The following QTMAN variants were observed in gnomAD, a reference collection of about 807,000 sequenced individuals.
The protein encoded by QTMAN is queuosine-tRNA mannosyltransferase.
the QTMAN span, among the ~76,000 whole-genome samples, chr2:144,325,197 G>A: frequency 6.6e-6 from 1 of 152,086 alleles, no homozygotes; most frequent in East Asian, 1.9e-4. Context: ...TCAACTTTTA[G>A]GAATTATAAA....
chr2:144,208,660 C>T, the QTMAN span: 4 of 1,613,884 alleles, frequency 2.5e-6, no homozygotes, highest in South Asian at 4.4e-5. Context: ...TGTCCGGGCT[C>T]TCCAATGCCA....
At chr2:144,118,167 C>T in the QTMAN span, among the ~76,000 whole-genome samples, 1 of 152,078 alleles carries the variant, frequency 6.6e-6, no homozygotes, top group South Asian at 2.1e-4. Context: ...AAAACAACAC[C>T]TGTCTCCTAA....
chr2:144,156,189 C>T, the QTMAN span, among the ~76,000 whole-genome samples: 1 of 151,940 alleles, frequency 6.6e-6, no homozygotes, highest in African/African-American at 2.4e-5. Context: ...TTGATTATTC[C>T]TCCAATGTTT....
the QTMAN span, among the ~76,000 whole-genome samples, chr2:144,112,017 T>C: frequency 0.029 from 4,427 of 152,338 alleles, 83 homozygotes; most frequent in East Asian, 0.082. Context: ...GCTTACTATT[T>C]GTCAATTATG....
chr2:143,989,326 A>C, the QTMAN span, among the ~76,000 whole-genome samples: 1 of 152,176 alleles, frequency 6.6e-6, no homozygotes, highest in Non-Finnish European at 1.5e-5. Flanking sequence ...AATACTAAAA[A>C]ATTTGATTAT....
the QTMAN span, among the ~76,000 whole-genome samples, chr2:144,265,199 A>C: frequency 6.6e-6 from 1 of 152,194 alleles, no homozygotes; most frequent in Non-Finnish European, 1.5e-5. Context: ...GGGCTCAGCA[A>C]ATCAGGTGTC....
the QTMAN span, among the ~76,000 whole-genome samples, chr2:144,058,109 G>GTCC: frequency 7.4e-6 from 1 of 134,488 alleles, no homozygotes; most frequent in African/African-American, 3.3e-5. Context: ...AAGAAAGAAA[G>GTCC]AACCCCCCTC....
chr2:143,952,663 A>C, the QTMAN span: 1 of 811,472 alleles, frequency 1.2e-6, no homozygotes, highest in Non-Finnish European at 2.1e-6. Flanking sequence ...TAACATGTTG[A>C]CTTGCCAAAT....
the QTMAN span, among the ~76,000 whole-genome samples, chr2:144,241,654 TC>T: frequency 6.6e-6 from 1 of 152,226 alleles, no homozygotes; most frequent in Non-Finnish European, 1.5e-5. Context: ...TATTCTTCTT[TC>T]CTTTCTTTTC....
the QTMAN span, among the ~76,000 whole-genome samples, chr2:143,996,570 G>C: frequency 6.6e-6 from 1 of 152,126 alleles, no homozygotes; most frequent in Non-Finnish European, 1.5e-5. Flanking sequence ...GGTAGGTGAA[G>C]AGGGGCAGTT....
At chr2:143,990,402 G>A in the QTMAN span, among the ~76,000 whole-genome samples, 2 of 152,182 alleles carry the variant, frequency 1.3e-5, no homozygotes, top group African/African-American at 4.8e-5. Flanking sequence ...GGTTGGGATA[G>A]TTACCCTAGA....
chr2:144,242,611 CTG>C, the QTMAN span, among the ~76,000 whole-genome samples: 1 of 152,132 alleles, frequency 6.6e-6, no homozygotes, highest in Non-Finnish European at 1.5e-5. Context: ...TTAGCAATGA[CTG>C]TTGTGAAATT....
the QTMAN span, among the ~76,000 whole-genome samples, chr2:144,115,682 G>A: frequency 1.3e-5 from 2 of 152,126 alleles, no homozygotes; most frequent in African/African-American, 2.4e-5. Flanking sequence ...ACAGAAACAT[G>A]GGACCAATAA....
chr2:143,953,958 T>C, the QTMAN span, among the ~76,000 whole-genome samples: 4 of 152,094 alleles, frequency 2.6e-5, no homozygotes, highest in South Asian at 4.1e-4. Context: ...AAATGAAAAG[T>C]ATTTACTTTG....
chr2:144,048,275 CAG>C, the QTMAN span, among the ~76,000 whole-genome samples: 1 of 152,172 alleles, frequency 6.6e-6, no homozygotes, highest in African/African-American at 2.4e-5. Flanking sequence ...TATAGGAATT[CAG>C]AGAAGGGAAA....
chr2:144,177,459 A>T, the QTMAN span, among the ~76,000 whole-genome samples: 3 of 152,160 alleles, frequency 2.0e-5, no homozygotes, highest in Admixed American at 2.0e-4. Context: ...TCAAATATTA[A>T]CATGCCTATA....
chr2:144,130,459 T>C, the QTMAN span, among the ~76,000 whole-genome samples: 1 of 151,932 alleles, frequency 6.6e-6, no homozygotes, highest in African/African-American at 2.4e-5. Context: ...GTAAACATCA[T>C]ATGATACTCC....
chr2:144,309,307 G>A, the QTMAN span, among the ~76,000 whole-genome samples: 7 of 152,062 alleles, frequency 4.6e-5, no homozygotes, highest in African/African-American at 7.3e-5. Flanking sequence ...ACAAAGGCTC[G>A]CACCTTGAAT....
At chr2:144,130,217 T>TATAA in the QTMAN span, among the ~76,000 whole-genome samples, 1 of 151,868 alleles carries the variant, frequency 6.6e-6, no homozygotes, top group Non-Finnish European at 1.5e-5. Context: ...CTGGTAATGA[T>TATAA]ATAAACCTTA....
Sources: allele counts gnomAD v4.1 joint callset (sites outside exome capture counted in the v4.1 genomes callset), GRCh38; gene constraint gnomAD v4.1.1; transcripts MANE v1.5; gene names NCBI Gene and HGNC (gene_info 2026-07-23, HGNC 2026-07-21).